The following TMPRSS15 variants were observed in gnomAD, a reference collection of about 807,000 sequenced individuals.
TMPRSS15 encodes enteropeptidase.
TMPRSS15 carries 128 observed loss-of-function variants against 125.3 expected under a neutral mutation model. The observed-to-expected ratio is 1.02, with a 90% CI of 0.89 to 1.18. TMPRSS15 has a LOEUF of 1.18. TMPRSS15 is among the 50% of genes most tolerant of loss of function. The pLI is 0.00. For missense variants in TMPRSS15, 1,283 were observed against 1,212.7 expected (o/e 1.06, Z -0.86); for synonymous variants, 446 against 423.2 (o/e 1.05, Z -0.66).
At chr21:18,273,002 T>C (rs555407139) in intron 24 of TMPRSS15, among the ~76,000 whole-genome samples, 1 of 152,256 alleles carries the variant, frequency 6.6e-6, no homozygotes, top group Admixed American at 6.5e-5. Context: ...ACCCTCATAG[T>C]TTCTGATTCA....
intron 3 of TMPRSS15, among the ~76,000 whole-genome samples, chr21:18,394,762 A>G (rs908715139): frequency 1.3e-5 from 2 of 152,012 alleles, no homozygotes; most frequent in Non-Finnish European, 2.9e-5. Flanking sequence ...TCTAAATGAT[A>G]AAAAAGCCCC....
chr21:18,275,055 G>A (rs1202004534), intron 24 of TMPRSS15, 142 bp downstream of exon 24: 11 of 1,110,716 alleles, frequency 9.9e-6, no homozygotes, highest in South Asian at 3.9e-5. Flanking sequence ...AGAGGATTAC[G>A]CAAATAGGCA....
chr21:18,347,877 T>A (rs1429027881), intron 10 of TMPRSS15, among the ~76,000 whole-genome samples: 1 of 152,100 alleles, frequency 6.6e-6, no homozygotes, highest in Admixed American at 6.5e-5. Context: ...CCATCTGTAA[T>A]CCCAGCAATT....
upstream of TMPRSS15, among the ~76,000 whole-genome samples, chr21:18,405,135 G>C (rs920055117): frequency 9.2e-5 from 14 of 151,986 alleles, no homozygotes; most frequent in African/African-American, 3.1e-4. Context: ...ATATCATATA[G>C]CGCTTTAAGT....
chr21:18,281,361 T>C (rs1472149221), intron 21 of TMPRSS15, 140 bp from the exon 22 acceptor site: 1 of 784,596 alleles, frequency 1.3e-6, no homozygotes, highest in African/African-American at 1.7e-5. Flanking sequence ...CCTTTAAAAA[T>C]ATTCTCAAAT....
intron 13 of TMPRSS15, among the ~76,000 whole-genome samples, chr21:18,340,724 TACTCCTTAAGAAGCCCACAAAAACCTC>T (rs6147433): frequency 0.15 from 23,070 of 152,110 alleles, 1,755 homozygotes; most frequent in Middle Eastern, 0.19. Context: ...CTCTTAAAAT[TACTCCTTAAGAAGCCCACAAAAACCTC>T]AAGGCACCCT....
At chr21:18,273,979 T>G (rs2074590772) in intron 24 of TMPRSS15, among the ~76,000 whole-genome samples, 1 of 152,200 alleles carries the variant, frequency 6.6e-6, no homozygotes. Context: ...ATGACATATA[T>G]GTGTTAATAT....
chr21:18,296,598 T>A (rs2074910644), intron 19 of TMPRSS15, among the ~76,000 whole-genome samples: 1 of 152,220 alleles, frequency 6.6e-6, no homozygotes, highest in Admixed American at 6.5e-5. Flanking sequence ...CAAGCATGCA[T>A]ATAATTAACA....
At chr21:18,328,105 T>A (rs537425447) in intron 15 of TMPRSS15, among the ~76,000 whole-genome samples, 2 of 152,244 alleles carry the variant, frequency 1.3e-5, no homozygotes, top group East Asian at 3.9e-4. Flanking sequence ...ATATTAGCTA[T>A]TATGTTTGAC....
intron 16 of TMPRSS15, among the ~76,000 whole-genome samples, chr21:18,319,422 A>ATTTT (rs35796863): frequency 4.7e-5 from 5 of 105,298 alleles, no homozygotes; most frequent in Non-Finnish European, 7.5e-5. Flanking sequence ...TTCTTCACCG[A>ATTTT]TTTTTTTTTT....
rs185092697 is a variant in TMPRSS15 at position 18,283,506 on chromosome 21, C to A, written c.2487-2285G>T. On this transcript the variant is annotated intron_variant, in intron 21 of 24. Coordinates refer to ENST00000284885, the MANE Select transcript of TMPRSS15 (RefSeq NM_002772.3). ...CATATTCTCTGTTATATTCATATAA[C>A]CAATGTATTGTAATAGTATTTATAA... Among the ~76,000 whole-genome samples, 124 of 151,256 alleles carry A rather than the reference C, an allele frequency of 8.2e-4. 2 individuals are homozygous for A. Among genetic ancestry groups the A allele is most frequent in the Non-Finnish European group, 5.9e-4 (40 of 67,826 alleles).
At chr21:18,297,666 T>C in intron 19 of TMPRSS15, 68 bp downstream of exon 19, 1 of 1,179,262 alleles carries the variant, frequency 8.5e-7, no homozygotes, top group East Asian at 2.3e-5. Context: ...CAAATCTGAC[T>C]GGCTTCAACA....
chr21:18,330,159 C>T (rs2075330662), intron 14 of TMPRSS15, among the ~76,000 whole-genome samples: 1 of 152,116 alleles, frequency 6.6e-6, no homozygotes, highest in Admixed American at 6.5e-5. Context: ...CTTTCTCCTA[C>T]CACATCCGAT....
chr21:18,413,115 G>C (rs1410721342), intron 1 of TMPRSS15, among the ~76,000 whole-genome samples: 1 of 151,998 alleles, frequency 6.6e-6, no homozygotes, highest in Non-Finnish European at 1.5e-5. Context: ...TCATGTGTAG[G>C]TTGCTTTTTC....
chr21:18,458,079 A>G (rs893650012), intron 1 of TMPRSS15, among the ~76,000 whole-genome samples: 2 of 152,160 alleles, frequency 1.3e-5, no homozygotes, highest in East Asian at 3.9e-4. Context: ...TTCTTTGTCC[A>G]CTAATCAGAA....
Position 18,275,467 on chromosome 21 carries a change from T to G in TMPRSS15, c.2765-131A>C, listed in dbSNP as rs2074608802. 5 of 1,110,720 alleles carry G rather than the reference T, an allele frequency of 4.5e-6. No homozygotes were observed. The African/African-American group carries it at 6.2e-5, about 14-fold the overall frequency. 68.8% of individuals were successfully genotyped at this position (1,110,720 alleles called of 1,614,324 possible). ...AAGTACTGTGTATATATAATGGAAC[T>G]AAATACTAAACCTTGCACACTAAAG... On this transcript the variant is annotated intron_variant, in intron 23 of 24. Transcript: ENST00000284885.
intron 3 of TMPRSS15, among the ~76,000 whole-genome samples, chr21:18,392,314 T>C (rs2075997760): frequency 6.6e-6 from 1 of 152,182 alleles, no homozygotes; most frequent in South Asian, 2.1e-4. Flanking sequence ...TGTTTAGAAA[T>C]TTCTCCTGCC....
chr21:18,269,991 C>T lies in TMPRSS15; in HGVS notation c.3038G>A (p.Trp1013Ter), dbSNP rs1463692022. The change falls in exon 25 of 25, where the codon TGG (tryptophan) becomes TAG (stop). Residue 1013 changes from tryptophan to a stop codon, truncating the protein, a stop_gained. Coordinates refer to ENST00000284885, the MANE Select transcript of TMPRSS15 (RefSeq NM_002772.3). LOFTEE classifies it high-confidence loss of function. ...VYARVSRFTE[W>*]IQSFLH ...GCGCTAATGTAGAAAACTTTGTATC[C>T]ATTCGGTAAACCTTGAGACCCTGGC... 3 of 1,613,596 alleles carry T rather than the reference C, an allele frequency of 1.9e-6. No homozygotes were observed. The highest frequency in any genetic ancestry group is 1.7e-6 in the Non-Finnish European group (2 of 1,179,834).
intron 1 of TMPRSS15, among the ~76,000 whole-genome samples, chr21:18,466,248 T>A (rs1307292345): frequency 3.3e-5 from 5 of 152,152 alleles, no homozygotes; most frequent in African/African-American, 4.8e-5. Flanking sequence ...TTACACCTTA[T>A]ACAAAAATTA....
Sources: allele counts gnomAD v4.1 joint callset (sites outside exome capture counted in the v4.1 genomes callset), GRCh38; gene constraint gnomAD v4.1.1; transcripts MANE v1.5; gene names NCBI Gene and HGNC (gene_info 2026-07-23, HGNC 2026-07-21).